GRM4: variants seen among roughly 807,000 people sequenced by gnomAD.
GRM4 encodes metabotropic glutamate receptor 4.
In GRM4, 28 loss-of-function variants were observed where a neutral mutation model predicts 81.7. The ratio of observed to expected loss-of-function variants is 0.34; its 90% CI spans 0.25 to 0.47. The LOEUF (loss-of-function observed/expected upper bound fraction) is 0.47. GRM4 is among the 20% of genes least tolerant of loss of function. GRM4 has a pLI of 1.00. For missense variants in GRM4, 948 were observed against 1,290.0 expected (o/e 0.73, Z 4.06); for synonymous variants, 488 against 528.8 (o/e 0.92, Z 1.06).
At chr6:34,104,890 C>A (rs2127496094) in intron 2 of GRM4, among the ~76,000 whole-genome samples, 1 of 152,268 alleles carries the variant, frequency 6.6e-6, no homozygotes, top group Non-Finnish European at 1.5e-5. Flanking sequence ...CAAAAGCCGA[C>A]AATCCTCACA....
At chr6:34,028,591 C>T (rs1053230686) in intron 9 of GRM4, among the ~76,000 whole-genome samples, 4 of 152,246 alleles carry the variant, frequency 2.6e-5, no homozygotes, top group African/African-American at 2.4e-5. Context: ...CCTCAGTTTC[C>T]TCACGTATAA....
rs1052527002 is a variant in GRM4 at position 34,136,983 on chromosome 6, G to A, written c.-363-3124C>T. 6.6e-6 allele frequency among the ~76,000 whole-genome samples: 1 copy of A among 152,164 alleles called. No homozygotes were observed. The highest frequency in any genetic ancestry group is 1.5e-5 in the Non-Finnish European group (1 of 68,022). On this transcript the variant is annotated intron_variant, in intron 1 of 10. Coordinates refer to ENST00000538487, the MANE Select transcript of GRM4 (RefSeq NM_000841.4). This position sits in a 1 kb window ranked among gnomAD's most constrained non-coding sequence, Gnocchi z 4.1. ...AGGCGGATGCTCCCTTCCCCCGCAG[G>A]GCCTGCTTCCTTCTGCAGAGGGAAG...
At chr6:34,106,339 C>A (rs962912621) in intron 2 of GRM4, among the ~76,000 whole-genome samples, 2 of 151,766 alleles carry the variant, frequency 1.3e-5, no homozygotes, top group South Asian at 4.2e-4. Flanking sequence ...CACTTGAACC[C>A]AGGAGGCGGA....
At chr6:34,052,921 C>T (rs576279578) in intron 6 of GRM4, among the ~76,000 whole-genome samples, 227 of 152,312 alleles carry the variant, frequency 1.5e-3, no homozygotes, top group African/African-American at 5.2e-3. Context: ...TACTACCCAC[C>T]TTCAGGATGG....
intron 1 of GRM4, among the ~76,000 whole-genome samples, chr6:34,134,627 C>A (rs1770378307): frequency 6.6e-6 from 1 of 152,058 alleles, no homozygotes; most frequent in Non-Finnish European, 1.5e-5. Flanking sequence ...CCCAGCAGCC[C>A]CTGCATGAGG....
rs11965535 is a variant in GRM4, at chr6:34,078,200, C to T, written c.736+13683G>A. ...TTTGACCTATTGTCCGGAAGGCTCC[C>T]GGACCCATCTCCAGCTCCTGTTCCT... On this transcript the variant is annotated intron_variant, in intron 3 of 10. Coordinates refer to ENST00000538487, the MANE Select transcript of GRM4 (RefSeq NM_000841.4). This position sits in a 1 kb window ranked among gnomAD's most constrained non-coding sequence, Gnocchi z 4.8. Among the ~76,000 whole-genome samples the T allele has an allele frequency of 0.087, 13,165 of 152,116 alleles. 1,340 individuals carry two copies. Among genetic ancestry groups the T allele is most frequent in the African/African-American group, 0.25 (10,253 of 41,426 alleles).
In GRM4 at chr6:34,136,925, C is replaced by T. The variant is rs2127513857; in HGVS notation, c.-363-3066G>A. On this transcript the variant is annotated intron_variant, in intron 1 of 10. Transcript: ENST00000538487. This position sits in a 1 kb window ranked among gnomAD's most constrained non-coding sequence, Gnocchi z 4.1. Reference sequence around the variant, plus strand: ...TGAAAGGAGCCACTGAGAGCAGAGGCAGGGTGTGGTGGGGTGGGTTGGGGT... The same window carrying T: ...TGAAAGGAGCCACTGAGAGCAGAGGTAGGGTGTGGTGGGGTGGGTTGGGGT... 7.1e-6 allele frequency among the ~76,000 whole-genome samples: 1 copy of T among 140,142 alleles called. No homozygotes were observed. The highest frequency in any genetic ancestry group is 7.1e-5 in the Admixed American group (1 of 14,160). 91.9% of individuals were successfully genotyped at this position (140,142 alleles called of 152,430 possible).
chr6:34,101,591 G>A (rs1461281879), intron 2 of GRM4, among the ~76,000 whole-genome samples: 2 of 152,214 alleles, frequency 1.3e-5, no homozygotes, highest in Non-Finnish European at 2.9e-5. Context: ...CCTCAGGGCA[G>A]CAGCTGGGAG....
chr6:34,061,389 G>A (rs748599213), intron 4 of GRM4: 29 of 152,814 alleles, frequency 1.9e-4, no homozygotes, highest in Non-Finnish European at 3.7e-4. Context: ...AAGGAGGGAG[G>A]GGCTGAGGTG....
Position 34,059,142 on chromosome 6 carries a change from C to T in GRM4, c.873-14G>A. The stretch of plus-strand genomic sequence containing the variant: ...TCCAGCACACGCCTGTAGGAACATA[C>T]ACCAGCCCAGCCCAGCCGCGTCTGT... On this transcript the variant is annotated splice_polypyrimidine_tract_variant and intron_variant, in intron 4 of 10. Coordinates refer to ENST00000538487, the MANE Select transcript of GRM4 (RefSeq NM_000841.4). The surrounding 1 kb of genome is among the most constrained non-coding windows in gnomAD (Gnocchi z 5.7). 1.2e-6 allele frequency: 2 copies of T among 1,612,952 alleles called. No individual in the cohort carries two copies. Among genetic ancestry groups the T allele is most frequent in the Non-Finnish European group, 1.7e-6 (2 of 1,179,696 alleles).
At position 34,035,598 on chromosome 6, in the gene GRM4, G is replaced by GACGATGCAAGTGGTGTA; in HGVS notation, c.2442+69_2442+70insTACACCACTTGCATCGT. 1 of 921,834 alleles carries GACGATGCAAGTGGTGTA rather than the reference G, an allele frequency of 1.1e-6. No individual in the cohort carries two copies. The highest frequency in any genetic ancestry group is 1.6e-6 in the Non-Finnish European group (1 of 614,230). 57.1% of individuals were successfully genotyped at this position (921,834 alleles called of 1,614,324 possible). A position where few individuals can be genotyped will look rare whatever the true frequency, so the allele number is the denominator to read the frequency against. On this transcript the variant is annotated intron_variant, in intron 9 of 10. Coordinates refer to ENST00000538487, the MANE Select transcript of GRM4 (RefSeq NM_000841.4). The surrounding 1 kb of genome is among the most constrained non-coding windows in gnomAD (Gnocchi z 6.6). ...TCTGGAGCAGGGGGGAGGCCAGCCA[G>GACGATGCAAGTGGTGTA]CCTCAGGAGGCTGCCCCTTGCTCAC...
At chr6:34,071,576 A>C (rs1189691830) in intron 3 of GRM4, among the ~76,000 whole-genome samples, 1 of 130,792 alleles carries the variant, frequency 7.6e-6, no homozygotes. Context: ...CACCACACAC[A>C]CACACACATC....
intron 6 of GRM4, among the ~76,000 whole-genome samples, chr6:34,041,514 T>C (rs998002032): frequency 2.6e-5 from 4 of 152,124 alleles, no homozygotes; most frequent in Non-Finnish European, 5.9e-5. Context: ...CCTCCTCCCC[T>C]CCCCTCCGTG....
At chr6:34,032,034 C>A (rs576111429) in intron 9 of GRM4, among the ~76,000 whole-genome samples, 1 of 151,346 alleles carries the variant, frequency 6.6e-6, no homozygotes, top group Admixed American at 6.6e-5. Flanking sequence ...TATACATAGA[C>A]ACAAATGTAC....
intron 1 of GRM4, among the ~76,000 whole-genome samples, chr6:34,151,708 C>G (rs1340507708): frequency 5.9e-5 from 8 of 136,188 alleles, no homozygotes; most frequent in Admixed American, 3.6e-4. Context: ...CCACCCCGCC[C>G]CCACCCCCAC....
chr6:34,050,553 C>T (rs990447429), intron 6 of GRM4, among the ~76,000 whole-genome samples: 23 of 152,226 alleles, frequency 1.5e-4, no homozygotes, highest in African/African-American at 4.6e-4. Flanking sequence ...GCAGGTGCCA[C>T]GCTTCTCGCA....
At chr6:34,075,703 G>A (rs1767276448) in intron 3 of GRM4, among the ~76,000 whole-genome samples, 1 of 152,232 alleles carries the variant, frequency 6.6e-6, no homozygotes, top group Admixed American at 6.5e-5. Flanking sequence ...AAAGTGTGAA[G>A]AATAAGCAAG....
In GRM4 at chr6:34,133,128, C is replaced by T; in HGVS notation, c.369G>A (p.Val123=). The T allele has an allele frequency of 6.2e-7, 1 of 1,614,052 alleles. No individual in the cohort carries two copies. Residue 123 remains valine, a synonymous_variant, in exon 2 of 11, where the codon GTG becomes GTA. Coordinates refer to ENST00000538487, the MANE Select transcript of GRM4 (RefSeq NM_000841.4). The surrounding 1 kb of genome is among the most constrained non-coding windows in gnomAD (Gnocchi z 6.5). ...TGCCATCCTTCTCGATGAGCGCCTG[C>T]ACAAAGGTCAGCGACTGCTCGAGGG... ...THALEQSLTF[V]QALIEKDGTE... is the part of the protein sequence containing the mutation.
At chr6:34,098,106 G>T (rs892795672) in intron 2 of GRM4, among the ~76,000 whole-genome samples, 1 of 152,168 alleles carries the variant, frequency 6.6e-6, no homozygotes, top group African/African-American at 2.4e-5. Context: ...TTTCTTCCCC[G>T]TAAAGTCGTC....
Sources: gnomAD v4.1 joint callset for allele counts (sites outside exome capture counted in the v4.1 genomes callset) on GRCh38, gnomAD v4.1.1 for gene constraint, Gnocchi (gnomAD v3.1) non-coding constraint, MANE v1.5 for transcripts, NCBI Gene and HGNC (gene_info 2026-07-23, HGNC 2026-07-21) for gene names.